PDE11A: variants seen among roughly 807,000 people sequenced by gnomAD.
PDE11A encodes the protein dual 3',5'-cyclic-AMP and -GMP phosphodiesterase 11A.
In PDE11A, 100 loss-of-function variants were observed where a neutral mutation model predicts 100.5. The observed-to-expected ratio is 1.00, with a 90% CI of 0.85 to 1.18. PDE11A has a LOEUF of 1.18. Among genes scored for constraint, PDE11A ranks in the 50% most tolerant of loss-of-function variants. PDE11A has a pLI of 0.00. For synonymous variants in PDE11A, 381 were observed against 420.8 expected (o/e 0.91, Z 1.16); for missense variants, 1,141 against 1,152.6 (o/e 0.99, Z 0.15).
intron 9 of PDE11A, among the ~76,000 whole-genome samples, chr2:177,774,097 G>T (rs2082347790): frequency 6.6e-6 from 1 of 152,120 alleles, no homozygotes; most frequent in Admixed American, 6.5e-5. Flanking sequence ...AGTAATATCT[G>T]TACCTCTTTC....
chr2:177,766,414 T>C (rs6755503), intron 10 of PDE11A, among the ~76,000 whole-genome samples: 21,420 of 152,164 alleles, frequency 0.14, 1,584 homozygotes, highest in African/African-American at 0.17. Context: ...CTTTAACTCA[T>C]GAAATCTCAC....
chr2:177,894,955 C>G (rs1294713320), intron 4 of PDE11A, among the ~76,000 whole-genome samples: 1 of 152,132 alleles, frequency 6.6e-6, no homozygotes, highest in East Asian at 1.9e-4. Flanking sequence ...GTAACTCCTG[C>G]CTCCCTAAAA....
intron 2 of PDE11A, among the ~76,000 whole-genome samples, chr2:177,919,061 A>G (rs1355774739): frequency 6.6e-6 from 1 of 152,118 alleles, no homozygotes; most frequent in African/African-American, 2.4e-5. Context: ...TTATGAAAAC[A>G]GATAAGAAAC....
chr2:177,664,249 C>T (rs900054952), intron 18 of PDE11A, among the ~76,000 whole-genome samples: 6 of 152,222 alleles, frequency 3.9e-5, no homozygotes, highest in East Asian at 1.9e-4. Context: ...CAGGTCACTG[C>T]GAATTGGGTA....
chr2:178,069,599 C>A (rs561934122), intron 1 of PDE11A, among the ~76,000 whole-genome samples: 27 of 150,668 alleles, frequency 1.8e-4, no homozygotes, highest in Admixed American at 5.3e-4. Context: ...AAAAAAAAAA[C>A]TCCTCTTTCC....
At chr2:177,867,221 C>T (rs1007063561) in intron 5 of PDE11A, among the ~76,000 whole-genome samples, 2 of 152,170 alleles carry the variant, frequency 1.3e-5, no homozygotes, top group African/African-American at 4.8e-5. Context: ...TACATAAAGA[C>T]ATTTAGTAAC....
intron 19 of PDE11A, among the ~76,000 whole-genome samples, chr2:177,642,641 GAA>G (rs1333898531): frequency 6.6e-6 from 1 of 152,194 alleles, no homozygotes; most frequent in African/African-American, 2.4e-5. Flanking sequence ...AAGGCTCAGA[GAA>G]AACTCTTTAA....
chr2:178,088,682 T>C (rs12619532), intron 2 of PDE11A, among the ~76,000 whole-genome samples: 64,918 of 152,102 alleles, frequency 0.43, 15,841 homozygotes, highest in East Asian at 0.59. Flanking sequence ...TCCTATATAA[T>C]CATCCAATGG....
intron 12 of PDE11A, among the ~76,000 whole-genome samples, chr2:177,714,272 C>T (rs746425825): frequency 3.3e-5 from 5 of 152,112 alleles, no homozygotes; most frequent in South Asian, 4.1e-4. Flanking sequence ...GGATTACAGG[C>T]GTGAGCCACT....
chr2:178,014,345 T>C lies in PDE11A; in HGVS notation c.1028A>G (p.Asn343Ser). The change falls in exon 2 of 20, where the codon AAT (asparagine) becomes AGT (serine). Residue 343 changes from asparagine (N) to serine (S), a missense_variant. Coordinates refer to ENST00000286063, the MANE Select transcript of PDE11A (RefSeq NM_016953.4). ...AAATGGAGCTCCTTCAGGAATCTTA[T>C]TTATCGCTTGGGCCACACCAATAAT... ...GEIIGVAQAI[N>S]KIPEGAPFTE... The C allele has an allele frequency of 6.2e-7, 1 of 1,613,276 alleles. No individual in the cohort carries two copies. Among genetic ancestry groups the C allele is most frequent in the Non-Finnish European group, 8.5e-7 (1 of 1,179,248 alleles).
At chr2:177,644,383 A>T (rs2080189827) in intron 19 of PDE11A, among the ~76,000 whole-genome samples, 3 of 152,238 alleles carry the variant, frequency 2.0e-5, no homozygotes, top group African/African-American at 7.2e-5. Context: ...TAATTTCGGA[A>T]CTTGAAGATT....
intron 4 of PDE11A, among the ~76,000 whole-genome samples, chr2:177,892,477 CAT>C: frequency 6.6e-6 from 1 of 152,162 alleles, no homozygotes; most frequent in South Asian, 2.1e-4. Context: ...AAAAAAGTAA[CAT>C]ATTCTTTTTC....
At chr2:177,961,544 C>A (rs1193022580) in intron 2 of PDE11A, among the ~76,000 whole-genome samples, 1 of 152,092 alleles carries the variant, frequency 6.6e-6, no homozygotes, top group Admixed American at 6.6e-5. Context: ...TTCTTGAAAC[C>A]AATTCCCACA....
rs537463672 is a variant in PDE11A, at chr2:177,910,018, G to C, written c.1072-4831C>G. 6.6e-5 allele frequency among the ~76,000 whole-genome samples: 10 copies of C among 152,246 alleles called. No homozygotes were observed. The East Asian group carries it at 1.7e-3, about 26-fold the overall frequency. On this transcript the variant is annotated intron_variant, in intron 2 of 19. Coordinates refer to ENST00000286063, the MANE Select transcript of PDE11A (RefSeq NM_016953.4). ...TCTTTATGTCATTGGTAGCCAATTTGTATTTTGTCAGCCTCAATCAAAGGC... is the reference window on the plus strand; with the variant it reads ...TCTTTATGTCATTGGTAGCCAATTTCTATTTTGTCAGCCTCAATCAAAGGC...
At chr2:177,828,321 T>A (rs3910519) in intron 6 of PDE11A, among the ~76,000 whole-genome samples, 31,972 of 152,022 alleles carry the variant, frequency 0.21, 3,524 homozygotes, top group Non-Finnish European at 0.24. Context: ...AAATTACACA[T>A]AGATAATATA....
intron 1 of PDE11A, among the ~76,000 whole-genome samples, chr2:178,056,871 G>A (rs990582328): frequency 6.6e-6 from 1 of 151,962 alleles, no homozygotes; most frequent in Admixed American, 6.6e-5. Flanking sequence ...AAGAGAATGA[G>A]GAGAAAAAGA....
chr2:177,636,506 G>T (rs1361154443), intron 19 of PDE11A, among the ~76,000 whole-genome samples: 1 of 152,158 alleles, frequency 6.6e-6, no homozygotes, highest in Non-Finnish European at 1.5e-5. Flanking sequence ...CTTAGTTGGA[G>T]TCAGACTGTA....
chr2:177,711,775 T>C lies in PDE11A; in HGVS notation c.2147A>G (p.Gln716Arg). ...LDHRGTNNAF[Q>R]AKSGSALAQL... ...AACAGTTTAGAACACTTACTTAGCTTGGAAGGCATTGTTGGTTCCCCTGTG... is the reference window on the plus strand; with the variant it reads ...AACAGTTTAGAACACTTACTTAGCTCGGAAGGCATTGTTGGTTCCCCTGTG... Residue 716 changes from glutamine to arginine, a missense_variant, in exon 13 of 20, where the codon CAA becomes CGA. Transcript: ENST00000286063. The C allele has an allele frequency of 6.5e-7, 1 of 1,548,794 alleles. No homozygotes were observed. Among genetic ancestry groups the C allele is most frequent in the South Asian group, 1.1e-5 (1 of 89,754 alleles).
chr2:177,987,786 A>T (rs1227613971), intron 2 of PDE11A, among the ~76,000 whole-genome samples: 1 of 152,052 alleles, frequency 6.6e-6, no homozygotes, highest in Non-Finnish European at 1.5e-5. Context: ...TTATGTTTTT[A>T]TTTTTTGCTT....
Sources: allele counts gnomAD v4.1 joint callset (sites outside exome capture counted in the v4.1 genomes callset), GRCh38; gene constraint gnomAD v4.1.1; transcripts MANE v1.5; gene names NCBI Gene and HGNC (gene_info 2026-07-23, HGNC 2026-07-21).